RALYL: variants seen among roughly 807,000 people sequenced by gnomAD.
RALYL encodes the protein RNA-binding Raly-like protein.
Under a neutral mutation model 35.1 loss-of-function variants are expected in RALYL, and 29 were observed. That is an observed-to-expected ratio of 0.83 (90% CI 0.61 to 1.13). The LOEUF (loss-of-function observed/expected upper bound fraction) is 1.13. RALYL is among the 50% of genes most tolerant of loss of function. The pLI, the probability that RALYL is intolerant of heterozygous loss-of-function variation, is 0.00. For synonymous variants in RALYL, 120 were observed against 127.6 expected, an observed-to-expected ratio of 0.94 and a Z score of 0.40; for missense variants, 359 against 360.4, an observed-to-expected ratio of 1.00 and a Z score of 0.03.
chr8:84,773,398 A>G (rs775028852), intron 2 of RALYL, among the ~76,000 whole-genome samples: 1 of 152,170 alleles, frequency 6.6e-6, no homozygotes, highest in Non-Finnish European at 1.5e-5. Context: ...TCAAAATAAT[A>G]TCCCTCATTT....
At chr8:84,441,483 G>A (rs1306595273) in intron 1 of RALYL, among the ~76,000 whole-genome samples, 1 of 152,110 alleles carries the variant, frequency 6.6e-6, no homozygotes, top group East Asian at 1.9e-4. Context: ...TAAAGTGGAA[G>A]AAAGCTTTGA....
At chr8:84,916,392 C>A (rs1848485890) in intron 8 of RALYL, among the ~76,000 whole-genome samples, 1 of 151,644 alleles carries the variant, frequency 6.6e-6, no homozygotes, top group African/African-American at 2.4e-5. Context: ...TGTGTCCCCA[C>A]CCAAATCTCA....
intron 1 of RALYL, among the ~76,000 whole-genome samples, chr8:84,223,209 C>CCTTCCCTTCCCT (rs1554578639): frequency 4.1e-4 from 36 of 88,886 alleles, no homozygotes; most frequent in South Asian, 1.0e-3. Flanking sequence ...CCTTCCATTC[C>CCTTCCCTTCCCT]TCCCTTCCCT....
intron 1 of RALYL, among the ~76,000 whole-genome samples, chr8:84,481,243 T>A (rs1490551027): frequency 6.6e-6 from 1 of 152,196 alleles, no homozygotes; most frequent in Non-Finnish European, 1.5e-5. Flanking sequence ...AATACAATTT[T>A]TTTTGTATAT....
chr8:84,425,967 A>G (rs2046384486), intron 1 of RALYL, among the ~76,000 whole-genome samples: 1 of 152,140 alleles, frequency 6.6e-6, no homozygotes, highest in Non-Finnish European at 1.5e-5. Context: ...ATTATCTAAA[A>G]TAGAGAAGAA....
chr8:84,332,650 A>G (rs1847055534), intron 1 of RALYL, among the ~76,000 whole-genome samples: 1 of 152,122 alleles, frequency 6.6e-6, no homozygotes, highest in Non-Finnish European at 1.5e-5. Context: ...TTTTATGTGT[A>G]CAAGTTTATA....
intron 1 of RALYL, among the ~76,000 whole-genome samples, chr8:84,489,620 G>A (rs1351718577): frequency 6.6e-6 from 1 of 152,020 alleles, no homozygotes; most frequent in African/African-American, 2.4e-5. Context: ...TTGGATAGAA[G>A]TAACAGAGAG....
At chr8:84,804,386 C>T (rs932185997) in intron 3 of RALYL, among the ~76,000 whole-genome samples, 1 of 152,104 alleles carries the variant, frequency 6.6e-6, no homozygotes, top group African/African-American at 2.4e-5. Context: ...ATGTAACAAG[C>T]ACATTATAAA....
At chr8:84,679,561 C>T (rs978089580) in intron 2 of RALYL, 4 of 414,522 alleles carry the variant, frequency 9.6e-6, no homozygotes, top group African/African-American at 4.2e-5. Flanking sequence ...ATGAGCTCTT[C>T]CCAATGGCCA....
At chr8:84,329,611 GGTA>G (rs1176847912) in intron 1 of RALYL, among the ~76,000 whole-genome samples, 1 of 151,814 alleles carries the variant, frequency 6.6e-6, no homozygotes, top group Non-Finnish European at 1.5e-5. Context: ...AGTTTAATTA[GGTA>G]TTATAGGGTC....
chr8:84,223,582 A>G (rs1823063850), intron 1 of RALYL, among the ~76,000 whole-genome samples: 1 of 152,098 alleles, frequency 6.6e-6, no homozygotes, highest in Admixed American at 6.6e-5. Flanking sequence ...TGAGTTGGTT[A>G]TTGCCTTAAT....
intron 2 of RALYL, among the ~76,000 whole-genome samples, chr8:84,621,043 T>A (rs1409217241): frequency 6.6e-6 from 1 of 152,132 alleles, no homozygotes; most frequent in Non-Finnish European, 1.5e-5. Context: ...ACTGCTGTCT[T>A]TTTGTTTGTG....
chr8:84,415,253 T>C lies in RALYL; in HGVS notation c.-23-114046T>C, dbSNP rs112925753. Among the ~76,000 whole-genome samples the C allele has an allele frequency of 8.4e-3, 1,276 of 151,596 alleles. 25 individuals carry two copies. The highest frequency in any genetic ancestry group is 0.029 in the African/African-American group (1,186 of 41,210). On this transcript the variant is annotated intron_variant, in intron 1 of 8. Transcript: ENST00000521268. ...TTTTGTTTTGTTTTGTTTTGTTTTT[T>C]TGATGGAGGCTCATTCTGTCACCCA...
chr8:84,448,718 T>TA (rs1445878759), intron 1 of RALYL, among the ~76,000 whole-genome samples: 1 of 152,044 alleles, frequency 6.6e-6, no homozygotes, highest in Non-Finnish European at 1.5e-5. Flanking sequence ...TTTTGACTCA[T>TA]AGAGATTCAT....
intron 1 of RALYL, among the ~76,000 whole-genome samples, chr8:84,427,587 C>T (rs929813652): frequency 1.3e-5 from 2 of 152,080 alleles, no homozygotes; most frequent in Non-Finnish European, 2.9e-5. Flanking sequence ...TCATTTTTTA[C>T]TACTGGCCCT....
chr8:84,822,169 G>T (rs1004077032), intron 4 of RALYL, among the ~76,000 whole-genome samples: 1 of 152,092 alleles, frequency 6.6e-6, no homozygotes, highest in East Asian at 1.9e-4. Context: ...GTATATTATA[G>T]CCCAATTGGA....
intron 1 of RALYL, among the ~76,000 whole-genome samples, chr8:84,472,660 G>T (rs1012679279): frequency 1.3e-4 from 20 of 152,034 alleles, no homozygotes; most frequent in Admixed American, 9.8e-4. Flanking sequence ...TGGACAGAAA[G>T]GGACCTTCCT....
At chr8:84,414,191 A>G (rs1454483367) in intron 1 of RALYL, among the ~76,000 whole-genome samples, 7 of 152,110 alleles carry the variant, frequency 4.6e-5, no homozygotes, top group Non-Finnish European at 8.8e-5. Flanking sequence ...TTTCATGAAA[A>G]CCATTTTCAT....
intron 4 of RALYL, among the ~76,000 whole-genome samples, chr8:84,806,836 A>T (rs1824748196): frequency 6.6e-6 from 1 of 152,092 alleles, no homozygotes; most frequent in South Asian, 2.1e-4. Flanking sequence ...ACATGGTGAA[A>T]CATCATCTCT....
Sources: gnomAD v4.1 joint callset for allele counts (sites outside exome capture counted in the v4.1 genomes callset) on GRCh38, gnomAD v4.1.1 for gene constraint, MANE v1.5 for transcripts, NCBI Gene and HGNC (gene_info 2026-07-23, HGNC 2026-07-21) for gene names.